Variants in PPP1R17 observed in about 807,000 individuals in gnomAD.
PPP1R17 encodes G-substrate.
A neutral mutation model predicts 15.9 loss-of-function variants in PPP1R17; 12 were observed. The observed-to-expected ratio is 0.75, with a 90% CI of 0.48 to 1.22. PPP1R17 has a LOEUF of 1.22. PPP1R17 is among the 50% of genes most tolerant of loss of function. The pLI, the probability that PPP1R17 is intolerant of heterozygous loss-of-function variation, is 0.00. For missense variants in PPP1R17, 211 were observed against 187.3 expected (o/e 1.13, Z -0.74); for synonymous variants, 63 against 64.5 (o/e 0.98, Z 0.11).
chr7:31,697,536 T>C (rs994596507), intron 4 of PPP1R17, among the ~76,000 whole-genome samples: 2 of 152,160 alleles, frequency 1.3e-5, no homozygotes, highest in African/African-American at 4.8e-5. Flanking sequence ...GAAATAAGGA[T>C]AGCTATCTGA....
At chr7:31,699,643 T>G (rs1792757269) in intron 4 of PPP1R17, among the ~76,000 whole-genome samples, 1 of 150,530 alleles carries the variant, frequency 6.6e-6, no homozygotes, top group Non-Finnish European at 1.5e-5. Flanking sequence ...TATTGGTGGT[T>G]TTTTTTTTAA....
Position 31,707,984 on chromosome 7 carries a change from A to G in PPP1R17, c.*701A>G, listed in dbSNP as rs939165591. On this transcript the variant is annotated 3_prime_UTR_variant, in exon 5 of 5. Coordinates refer to ENST00000342032, the MANE Select transcript of PPP1R17 (RefSeq NM_006658.5). Reference sequence around the variant, plus strand: ...TTGTTTTTAAAAATATTTCTTAAACATGCTGTCCCAACATTTGTGAGTTGT... The same window carrying G: ...TTGTTTTTAAAAATATTTCTTAAACGTGCTGTCCCAACATTTGTGAGTTGT... The G allele has an allele frequency of 6.6e-6, 1 of 152,236 alleles. No individual in the cohort carries two copies. The highest frequency in any genetic ancestry group is 2.4e-5 in the African/African-American group (1 of 41,474). 9.4% of individuals were successfully genotyped at this position (152,236 alleles called of 1,614,324 possible).
intron 2 of PPP1R17, 118 bp downstream of exon 2, chr7:31,692,641 C>G: frequency 2.3e-6 from 2 of 886,050 alleles, no homozygotes; most frequent in Non-Finnish European, 3.6e-6. Context: ...TAGTCTGTGC[C>G]TTCTGGTGAC....
rs536860978 is a variant in PPP1R17 at position 31,695,516 on chromosome 7, C to T, written c.130C>T (p.Pro44Ser). The part of the protein sequence containing the change: ...FIKDCDLKKK[P>S]RKGKNVQATL... ...TAAGGACTGTGATCTCAAAAAGAAGCCTAGAAAGGGAAAAAATGTACAGGC... is the reference window on the plus strand; with the variant it reads ...TAAGGACTGTGATCTCAAAAAGAAGTCTAGAAAGGGAAAAAATGTACAGGC... The change falls in exon 3 of 5, where the codon CCT becomes TCT. Residue 44 changes from proline (P) to serine (S), a missense_variant. By Grantham distance (74) the Pro-to-Ser change is moderately conservative. Coordinates refer to ENST00000342032, the MANE Select transcript of PPP1R17 (RefSeq NM_006658.5). 2 of 1,613,312 alleles carry T rather than the reference C, an allele frequency of 1.2e-6. No individual in the cohort carries two copies. The highest frequency in any genetic ancestry group is 1.1e-5 in the South Asian group (1 of 90,976).
In PPP1R17 at chr7:31,692,369, G is replaced by A. The variant is rs540244133; in HGVS notation, c.-36-37G>A. ...AAATGATTGAATGAATGAATAAACA[G>A]AGCCATACTTATTAACTGTTTTTTA... On this transcript the variant is annotated intron_variant, in intron 1 of 4. Coordinates refer to ENST00000342032, the MANE Select transcript of PPP1R17 (RefSeq NM_006658.5). 29 of 1,224,458 alleles carry A rather than the reference G, an allele frequency of 2.4e-5. No individual in the cohort carries two copies. In the African/African-American group the frequency reaches 4.2e-4, roughly 18 times the overall value. 75.8% of individuals were successfully genotyped at this position (1,224,458 alleles called of 1,614,324 possible). A position where few individuals can be genotyped will look rare whatever the true frequency, so the allele number is the denominator to read the frequency against.
At position 31,695,758 on chromosome 7, in the gene PPP1R17, T is replaced by C. The variant is rs1280390542; in HGVS notation, c.235+137T>C. The C allele has an allele frequency of 6.4e-6, 5 of 777,180 alleles. No homozygotes were observed. The South Asian group carries it at 6.7e-5, about 10-fold the overall frequency. 48.1% of individuals were successfully genotyped at this position (777,180 alleles called of 1,614,324 possible). A position where few individuals can be genotyped will look rare whatever the true frequency, so the allele number is the denominator to read the frequency against. ...ACTCCCCACCTCTGTATCTCTGTAT[T>C]AGTTACAATATAGCAAGCTGCTATA... On this transcript the variant is annotated intron_variant, in intron 3 of 4. Coordinates refer to ENST00000342032, the MANE Select transcript of PPP1R17 (RefSeq NM_006658.5).
At chr7:31,689,836 C>T (rs1023958576) in intron 1 of PPP1R17, among the ~76,000 whole-genome samples, 3 of 152,178 alleles carry the variant, frequency 2.0e-5, no homozygotes, top group African/African-American at 4.8e-5. Context: ...CATCCCTGCA[C>T]GGCATGGGAT....
intron 1 of PPP1R17, among the ~76,000 whole-genome samples, chr7:31,688,610 C>T (rs989898511): frequency 6.6e-6 from 1 of 152,230 alleles, no homozygotes; most frequent in African/African-American, 2.4e-5. Context: ...TTAACAATCC[C>T]TGTGTATTGT....
intron 1 of PPP1R17, among the ~76,000 whole-genome samples, chr7:31,691,256 A>G (rs1035983698): frequency 3.9e-5 from 6 of 152,152 alleles, no homozygotes; most frequent in Non-Finnish European, 8.8e-5. Context: ...CTTTTCAGAG[A>G]AAACCGGTTT....
chr7:31,692,622 G>C (rs983247734), intron 2 of PPP1R17, 99 bp downstream of exon 2: 1 of 1,113,688 alleles, frequency 9.0e-7, no homozygotes, highest in Non-Finnish European at 1.3e-6. Flanking sequence ...GGCACCCCCC[G>C]AAACCTGATA....
chr7:31,702,358 G>A (rs576195219), intron 4 of PPP1R17, among the ~76,000 whole-genome samples: 2 of 152,248 alleles, frequency 1.3e-5, no homozygotes, highest in East Asian at 1.9e-4. Flanking sequence ...TGGAGAAATG[G>A]TCCAAGGACC....
intron 4 of PPP1R17, 143 bp downstream of exon 4, chr7:31,697,260 C>T (rs1299326094): frequency 1.3e-5 from 13 of 1,013,010 alleles, no homozygotes; most frequent in Non-Finnish European, 9.9e-6. Context: ...AAGCCACACT[C>T]AGTGCTACCT....
intron 2 of PPP1R17, 105 bp from the exon 3 acceptor site, chr7:31,695,364 A>T: frequency 1.9e-6 from 2 of 1,041,924 alleles, no homozygotes; most frequent in Non-Finnish European, 2.7e-6. Flanking sequence ...TTTCAGGCCA[A>T]ATCACCTCTG....
intron 4 of PPP1R17, among the ~76,000 whole-genome samples, chr7:31,703,664 C>T (rs959260659): frequency 6.6e-6 from 1 of 152,174 alleles, no homozygotes; most frequent in Non-Finnish European, 1.5e-5. Context: ...ATAGAGCCTT[C>T]GGCAGATGTT....
chr7:31,696,674 T>C (rs1792596747), intron 3 of PPP1R17, among the ~76,000 whole-genome samples: 1 of 152,206 alleles, frequency 6.6e-6, no homozygotes, highest in Non-Finnish European at 1.5e-5. Context: ...CTGGGCACAT[T>C]TCTTTGCCTG....
intron 4 of PPP1R17, among the ~76,000 whole-genome samples, chr7:31,704,661 T>C (rs1305064754): frequency 6.6e-6 from 1 of 152,216 alleles, no homozygotes; most frequent in Non-Finnish European, 1.5e-5. Flanking sequence ...AGCCACAATG[T>C]AGGCCTAAGT....
At chr7:31,703,181 C>A (rs1792925366) in intron 4 of PPP1R17, among the ~76,000 whole-genome samples, 1 of 152,236 alleles carries the variant, frequency 6.6e-6, no homozygotes, top group Non-Finnish European at 1.5e-5. Context: ...AAACTCTCAA[C>A]AAATGTTAGT....
At chr7:31,699,261 C>T (rs943492562) in intron 4 of PPP1R17, among the ~76,000 whole-genome samples, 2 of 152,230 alleles carry the variant, frequency 1.3e-5, no homozygotes, top group Admixed American at 1.3e-4. Context: ...CCTCATTTAA[C>T]ACTGAGTCAA....
chr7:31,700,753 C>T (rs1792812836), intron 4 of PPP1R17, among the ~76,000 whole-genome samples: 1 of 152,118 alleles, frequency 6.6e-6, no homozygotes, highest in South Asian at 2.1e-4. Context: ...TGCTCATTTA[C>T]TATTCTGAAA....
Sources: gnomAD v4.1 joint callset for allele counts (sites outside exome capture counted in the v4.1 genomes callset) on GRCh38, gnomAD v4.1.1 for gene constraint, MANE v1.5 for transcripts, NCBI Gene and HGNC (gene_info 2026-07-23, HGNC 2026-07-21) for gene names.